Variants in NCOA2 observed in about 807,000 individuals in gnomAD.
NCOA2 encodes nuclear receptor coactivator 2.
A neutral mutation model predicts 145.1 loss-of-function variants in NCOA2; 21 were observed. The ratio of observed to expected loss-of-function variants is 0.14; its 90% CI spans 0.10 to 0.21. The LOEUF (loss-of-function observed/expected upper bound fraction) is 0.21. Among genes scored for constraint, NCOA2 ranks in the 10% least tolerant of loss-of-function variants. The probability of loss-of-function intolerance (pLI) is 1.00; values close to 1 mark genes in which losing one functional copy is unlikely to be tolerated. For missense variants in NCOA2, 1,472 were observed against 1,837.6 expected (o/e 0.80, Z 3.64); for synonymous variants, 619 against 637.5 (o/e 0.97, Z 0.44).
intron 1 of NCOA2, among the ~76,000 whole-genome samples, chr8:70,376,733 T>C (rs1206275708): frequency 1.3e-5 from 2 of 152,234 alleles, no homozygotes. Flanking sequence ...CAAAATCTAC[T>C]GGGCTTAGCC....
At chr8:70,439,748 G>C in the NCOA2 span, among the ~76,000 whole-genome samples, 1 of 152,196 alleles carries the variant, frequency 6.6e-6, no homozygotes, top group Non-Finnish European at 1.5e-5. Context: ...CGCGGAGGAG[G>C]CTTCTGCTGC....
At chr8:70,319,548 A>G (rs985964556) in intron 1 of NCOA2, among the ~76,000 whole-genome samples, 22 of 151,772 alleles carry the variant, frequency 1.4e-4, no homozygotes, top group African/African-American at 5.1e-4. Context: ...AAAAATAAAT[A>G]AATAAATAAA....
At chr8:70,139,352 T>C (rs978876789) in intron 14 of NCOA2, among the ~76,000 whole-genome samples, 1 of 152,210 alleles carries the variant, frequency 6.6e-6, no homozygotes, top group South Asian at 2.1e-4. Flanking sequence ...GAGAATAAAT[T>C]ACATTTCTGG....
chr8:70,285,661 C>A (rs908665011), intron 2 of NCOA2, among the ~76,000 whole-genome samples: 1 of 152,218 alleles, frequency 6.6e-6, no homozygotes, highest in African/African-American at 2.4e-5. Context: ...TTTGCCATTT[C>A]TCTTACTACA....
At position 70,366,533 on chromosome 8, in the gene NCOA2, A is replaced by ATATG. The variant is rs200520922; in HGVS notation, c.-77+37163_-77+37166dup. Among the ~76,000 whole-genome samples the ATATG allele has an allele frequency of 5.5e-3, 832 of 151,176 alleles. 5 individuals are homozygous for ATATG. The highest frequency in any genetic ancestry group is 0.019 in the African/African-American group (792 of 41,358). ...AAGAGTTCATATATATATATATTTA[A>ATATG]TATGTATATATTAATGTTATTTTTT... On this transcript the variant is annotated intron_variant, in intron 1 of 22. Transcript: ENST00000452400.
intron 4 of NCOA2, among the ~76,000 whole-genome samples, chr8:70,202,487 C>T (rs552244386): frequency 6.6e-6 from 1 of 152,146 alleles, no homozygotes; most frequent in South Asian, 2.1e-4. Flanking sequence ...TGGTATATAA[C>T]ACAGTAGAAT....
intron 2 of NCOA2, among the ~76,000 whole-genome samples, chr8:70,228,212 C>T (rs1222676004): frequency 6.6e-6 from 1 of 152,074 alleles, no homozygotes; most frequent in Non-Finnish European, 1.5e-5. Context: ...TCATCAAAAC[C>T]AGCCATTCTG....
intron 2 of NCOA2, among the ~76,000 whole-genome samples, chr8:70,271,428 C>T (rs1056717203): frequency 6.6e-6 from 1 of 152,150 alleles, no homozygotes; most frequent in African/African-American, 2.4e-5. Context: ...AGTCATTATG[C>T]TCTTTTGTAA....
intron 17 of NCOA2, 79 bp from the exon 18 acceptor site, chr8:70,128,589 C>T: frequency 6.3e-7 from 1 of 1,585,450 alleles, no homozygotes; most frequent in African/African-American, 1.3e-5. Context: ...CAAGTAACTG[C>T]CCTCCCCAAC....
intron 4 of NCOA2, among the ~76,000 whole-genome samples, chr8:70,191,332 C>G (rs1816649982): frequency 6.6e-6 from 1 of 152,170 alleles, no homozygotes; most frequent in Non-Finnish European, 1.5e-5. Context: ...AACAAAAACT[C>G]AAATGTCCAC....
chr8:70,336,465 A>G (rs1164139906), intron 1 of NCOA2, among the ~76,000 whole-genome samples: 3 of 152,164 alleles, frequency 2.0e-5, no homozygotes, highest in Non-Finnish European at 4.4e-5. Context: ...ACACTACTAT[A>G]AAGAAGTATC....
chr8:70,172,290 A>AC (rs1814342960), intron 5 of NCOA2, among the ~76,000 whole-genome samples: 1 of 152,328 alleles, frequency 6.6e-6, no homozygotes, highest in Admixed American at 6.5e-5. Flanking sequence ...CATGAATGTC[A>AC]CATGTATACA....
At chr8:70,142,940 GTTTTGTTTT>G (rs1156341781) in intron 13 of NCOA2, among the ~76,000 whole-genome samples, 20 of 150,120 alleles carry the variant, frequency 1.3e-4, no homozygotes, top group Non-Finnish European at 2.4e-4. Flanking sequence ...CTCAGTCTGT[GTTTTGTTTT>G]TTTTGTTTTT....
In NCOA2 at chr8:70,378,743, T is replaced by TTAA. The variant is rs564704569; in HGVS notation, c.-77+24956_-77+24957insTTA. Reference sequence around the variant, plus strand: ...AAGTCCCTGCACTTGTAGGCTATGCTAAAAAAAAAAAAAAAAAAAACATAA... The same window carrying TTAA: ...AAGTCCCTGCACTTGTAGGCTATGCTTAAAAAAAAAAAAAAAAAAAAAACATAA... On this transcript the variant is annotated intron_variant, in intron 1 of 22. Coordinates refer to ENST00000452400, the MANE Select transcript of NCOA2 (RefSeq NM_006540.4). 9.6e-3 allele frequency among the ~76,000 whole-genome samples: 1,055 copies of TTAA among 109,844 alleles called. 5 individuals carry two copies. The highest frequency in any genetic ancestry group is 0.014 in the Non-Finnish European group (712 of 52,670). 72.1% of individuals were successfully genotyped at this position (109,844 alleles called of 152,430 possible). A position where few individuals can be genotyped will look rare whatever the true frequency, so the allele number is the denominator to read the frequency against.
chr8:70,216,032 T>G (rs1365606839), intron 3 of NCOA2, among the ~76,000 whole-genome samples: 3 of 152,220 alleles, frequency 2.0e-5, no homozygotes, highest in Non-Finnish European at 4.4e-5. Context: ...TTTCCGAATC[T>G]TTTGCAATTT....
intron 1 of NCOA2, among the ~76,000 whole-genome samples, chr8:70,386,370 T>A (rs1213569754): frequency 6.6e-6 from 1 of 152,206 alleles, no homozygotes; most frequent in African/African-American, 2.4e-5. Context: ...AAGCCCTGCA[T>A]CTTTTTACAA....
chr8:70,335,650 G>A (rs963261470), intron 1 of NCOA2, among the ~76,000 whole-genome samples: 1 of 152,120 alleles, frequency 6.6e-6, no homozygotes, highest in Non-Finnish European at 1.5e-5. Flanking sequence ...TTATTTCTAT[G>A]AATTTGACTA....
the NCOA2 span, among the ~76,000 whole-genome samples, chr8:70,441,055 AAG>A: frequency 0.86 from 121,189 of 141,002 alleles, 52,770 homozygotes; most frequent in East Asian, 0.98. Context: ...AAAGAAAAGA[AAG>A]AGAGAAAGAA....
chr8:70,162,764 T>C lies in NCOA2; in HGVS notation c.923A>G (p.His308Arg). The C allele has an allele frequency of 6.2e-7, 1 of 1,614,004 alleles. No individual in the cohort carries two copies. The change falls in exon 9 of 23, where the codon CAT becomes CGT. Residue 308 changes from histidine (H) to arginine (R), a missense_variant. By Grantham distance (29) the His-to-Arg change is conservative (BLOSUM62 0). Transcript: ENST00000452400. ...DLVRRCIQKF[H>R]AQHEGESVSY... ...CACAGATTCTCCTTCATGCTGCGCA[T>C]GGAACTTCTGAATACACCTTCTTAC...
Sources: allele counts gnomAD v4.1 joint callset (sites outside exome capture counted in the v4.1 genomes callset), GRCh38; gene constraint gnomAD v4.1.1; transcripts MANE v1.5; gene names NCBI Gene and HGNC (gene_info 2026-07-23, HGNC 2026-07-21).